ASAP2: variants seen among roughly 807,000 people sequenced by gnomAD.
ASAP2 encodes arf-GAP with SH3 domain, ANK repeat and PH domain-containing protein 2.
Under a neutral mutation model 131.4 loss-of-function variants are expected in ASAP2, and 45 were observed. That is an observed-to-expected ratio of 0.34 (90% CI 0.27 to 0.44). ASAP2 has a LOEUF of 0.44. Among genes scored for constraint, ASAP2 ranks in the 20% least tolerant of loss-of-function variants. The probability of loss-of-function intolerance (pLI) is 1.00; values close to 1 mark genes in which losing one functional copy is unlikely to be tolerated. For missense variants in ASAP2, 1,011 were observed against 1,297.0 expected (o/e 0.78, Z 3.39); for synonymous variants, 510 against 503.0 (o/e 1.01, Z -0.19).
intron 24 of ASAP2, chr2:9,399,422 G>A (rs1044021220): frequency 1.3e-5 from 2 of 154,320 alleles, no homozygotes; most frequent in Admixed American, 6.3e-5. Flanking sequence ...CATTTATCCA[G>A]GGCTGCCAGG....
intron 1 of ASAP2, among the ~76,000 whole-genome samples, chr2:9,231,892 G>A (rs954151301): frequency 1.3e-5 from 2 of 152,106 alleles, no homozygotes; most frequent in Non-Finnish European, 2.9e-5. Context: ...TTGACCCAGC[G>A]GACACTTTGG....
rs531771529 is a variant in ASAP2, at chr2:9,324,887, G to T, written c.600+1637G>T. ...ATCAGTTTGACAATCTCTGCCTTTC[G>T]ATTGGATTGTTTAATCCATTAACGT... On this transcript the variant is annotated intron_variant, in intron 6 of 27. Transcript: ENST00000281419. Among the ~76,000 whole-genome samples the T allele has an allele frequency of 8.9e-4, 136 of 152,176 alleles. 1 individual carries two copies. The highest frequency in any genetic ancestry group is 1.5e-3 in the Non-Finnish European group (104 of 68,008).
At position 9,308,054 on chromosome 2, in the gene ASAP2, C is replaced by T. The variant is rs185729729; in HGVS notation, c.346-10470C>T. Among the ~76,000 whole-genome samples the T allele has an allele frequency of 5.3e-5, 8 of 152,242 alleles. No homozygotes were observed. In the East Asian group the frequency reaches 1.5e-3, roughly 29 times the overall value. Reference sequence around the variant, plus strand: ...TCACTGACACCAAAAACAAAAGTGGCCTAGATGATTGTATTAGTCTGTTCT... The same window carrying T: ...TCACTGACACCAAAAACAAAAGTGGTCTAGATGATTGTATTAGTCTGTTCT... On this transcript the variant is annotated intron_variant, in intron 3 of 27. Transcript: ENST00000281419.
At chr2:9,322,315 G>A (rs1240733986) in intron 5 of ASAP2, among the ~76,000 whole-genome samples, 1 of 152,194 alleles carries the variant, frequency 6.6e-6, no homozygotes, top group Non-Finnish European at 1.5e-5. Flanking sequence ...ACCCTGAGTA[G>A]CCCATTTCAT....
intron 2 of ASAP2, among the ~76,000 whole-genome samples, chr2:9,295,135 T>C (rs1668074243): frequency 6.6e-6 from 1 of 152,232 alleles, no homozygotes; most frequent in Non-Finnish European, 1.5e-5. Context: ...TGAAACTGGA[T>C]TTTAAAAATC....
intron 3 of ASAP2, among the ~76,000 whole-genome samples, chr2:9,304,813 G>T (rs966339215): frequency 2.7e-5 from 4 of 150,624 alleles, no homozygotes; most frequent in African/African-American, 9.8e-5. Context: ...ATAGATATTG[G>T]TGGAGGGGCT....
At chr2:9,323,375 T>G (rs916393216) in intron 6 of ASAP2, 125 bp downstream of exon 6, 89 of 1,398,364 alleles carry the variant, frequency 6.4e-5, no homozygotes, top group Non-Finnish European at 8.6e-5. Context: ...GGACTCCCTT[T>G]GCCCCTGTGT....
At chr2:9,391,336 G>A (rs1198354147) in intron 23 of ASAP2, 140 bp downstream of exon 23, 3 of 1,254,976 alleles carry the variant, frequency 2.4e-6, no homozygotes, top group African/African-American at 1.5e-5. Flanking sequence ...TGGCTCTTGT[G>A]CAGGGCTCTC....
At chr2:9,304,750 G>C (rs1455173769) in intron 3 of ASAP2, among the ~76,000 whole-genome samples, 3 of 149,792 alleles carry the variant, frequency 2.0e-5, no homozygotes, top group Non-Finnish European at 4.5e-5. Context: ...ATTGGTGGAG[G>C]GGGTTGTAAT....
intron 1 of ASAP2, among the ~76,000 whole-genome samples, chr2:9,208,764 AAG>A (rs971958021): frequency 3.9e-5 from 6 of 152,226 alleles, no homozygotes; most frequent in African/African-American, 1.2e-4. Flanking sequence ...GCCAGTTAAA[AAG>A]CACGGTGTTT....
At chr2:9,394,102 C>G (rs1675930681) in intron 24 of ASAP2, among the ~76,000 whole-genome samples, 1 of 149,730 alleles carries the variant, frequency 6.7e-6, no homozygotes, top group Non-Finnish European at 1.5e-5. Context: ...AGACCCAGGT[C>G]AAGCTTAGCT....
rs574587846 is a variant in ASAP2, at chr2:9,387,240, CA to C, written c.2131-1053del. 4.1e-3 allele frequency among the ~76,000 whole-genome samples: 591 copies of C among 144,802 alleles called. 4 individuals carry two copies. The highest frequency in any genetic ancestry group is 0.015 in the African/African-American group (558 of 36,546). The allele number at this position is 144,802 out of a possible 152,430, so 95.0% of individuals were successfully genotyped here. A position where few individuals can be genotyped will look rare whatever the true frequency, so the allele number is the denominator to read the frequency against. ...AAAAAAAAAAAAACCATATAACCTT[CA>C]GGGGGGAGCAGGGGTGGCCAAACTC... On this transcript the variant is annotated intron_variant, in intron 21 of 27. Transcript: ENST00000281419.
At position 9,206,877 on chromosome 2, in the gene ASAP2, C is replaced by G. The variant is rs1424391280; in HGVS notation, c.-228C>G. 1 of 168,980 alleles carries G rather than the reference C, an allele frequency of 5.9e-6. No individual in the cohort carries two copies. The highest frequency in any genetic ancestry group is 2.4e-5 in the African/African-American group (1 of 41,214). 10.5% of individuals were successfully genotyped at this position (168,980 alleles called of 1,614,324 possible). On this transcript the variant is annotated 5_prime_UTR_variant, in exon 1 of 28. Coordinates refer to ENST00000281419, the MANE Select transcript of ASAP2 (RefSeq NM_003887.3). The surrounding 1 kb of genome is among the most constrained non-coding windows in gnomAD (Gnocchi z 4.0). Reference sequence around the variant, plus strand: ...TGAGAGGACGCGGCGGCAGCGGACTCGGAGCCCTCGGCGCGCAGGCGGGCG... The same window carrying G: ...TGAGAGGACGCGGCGGCAGCGGACTGGGAGCCCTCGGCGCGCAGGCGGGCG...
chr2:9,316,257 G>GA (rs534592089), intron 3 of ASAP2, among the ~76,000 whole-genome samples: 70 of 151,958 alleles, frequency 4.6e-4, no homozygotes, highest in Non-Finnish European at 6.3e-4. Flanking sequence ...AAGAAGTTGA[G>GA]GCTGAAGTGC....
intron 24 of ASAP2, among the ~76,000 whole-genome samples, chr2:9,396,327 T>G (rs1010584075): frequency 2.6e-5 from 4 of 152,102 alleles, no homozygotes; most frequent in Non-Finnish European, 5.9e-5. Flanking sequence ...CAGGCTGGAG[T>G]ACAGTGGTGT....
chr2:9,274,150 T>C (rs1666591648), intron 1 of ASAP2, among the ~76,000 whole-genome samples: 1 of 152,130 alleles, frequency 6.6e-6, no homozygotes, highest in South Asian at 2.1e-4. Context: ...TATGATGGCA[T>C]CTTTAGGTTT....
chr2:9,246,193 T>C (rs1392621294), intron 1 of ASAP2, among the ~76,000 whole-genome samples: 1 of 152,218 alleles, frequency 6.6e-6, no homozygotes, highest in Admixed American at 6.5e-5. Context: ...AAACCCGTAC[T>C]CCTTAGACAT....
intron 11 of ASAP2, among the ~76,000 whole-genome samples, chr2:9,349,467 A>T (rs1672190197): frequency 6.6e-6 from 1 of 152,230 alleles, no homozygotes; most frequent in Non-Finnish European, 1.5e-5. Flanking sequence ...TAAGTTAGGT[A>T]ATCCGATTGG....
chr2:9,301,923 ATGCCATTCTCC>A (rs1381361617), intron 3 of ASAP2, among the ~76,000 whole-genome samples: 1 of 143,496 alleles, frequency 7.0e-6, no homozygotes, highest in Non-Finnish European at 1.5e-5. Flanking sequence ...TCCCAGGTTC[ATGCCATTCTCC>A]TGCCTCAGCC....
Sources: gnomAD v4.1 joint callset for allele counts (sites outside exome capture counted in the v4.1 genomes callset) on GRCh38, gnomAD v4.1.1 for gene constraint, Gnocchi (gnomAD v3.1) non-coding constraint, MANE v1.5 for transcripts, NCBI Gene and HGNC (gene_info 2026-07-23, HGNC 2026-07-21) for gene names.